Variants in KIAA1549L observed in about 807,000 individuals in gnomAD.
KIAA1549L encodes KIAA1549 like.
Under a neutral mutation model 160.7 loss-of-function variants are expected in KIAA1549L, and 88 were observed. The observed-to-expected ratio is 0.55, with a 90% confidence interval of 0.46 to 0.65. KIAA1549L has a LOEUF of 0.65. KIAA1549L is among the 30% of genes least tolerant of loss of function. The probability of loss-of-function intolerance (pLI) is 0.00; values close to 1 mark genes in which losing one functional copy is unlikely to be tolerated. For synonymous variants in KIAA1549L, 950 were observed against 976.7 expected (o/e 0.97, Z 0.51); for missense variants, 2,258 against 2,437.5 (o/e 0.93, Z 1.55).
At chr11:33,612,478 A>T (rs35454537) in intron 15 of KIAA1549L, among the ~76,000 whole-genome samples, 6 of 152,186 alleles carry the variant, frequency 3.9e-5, no homozygotes, top group Admixed American at 2.0e-4. Flanking sequence ...GCTGGTCTCA[A>T]ACTCCTGGGC....
intron 1 of KIAA1549L, among the ~76,000 whole-genome samples, chr11:33,414,018 A>G (rs2761203): frequency 0.013 from 1,960 of 152,356 alleles, 36 homozygotes; most frequent in African/African-American, 0.045. Context: ...ATGGAAACAC[A>G]GAATACATTT....
intron 1 of KIAA1549L, among the ~76,000 whole-genome samples, chr11:33,480,317 A>T (rs749299583): frequency 1.3e-5 from 2 of 152,102 alleles, no homozygotes; most frequent in Non-Finnish European, 2.9e-5. Flanking sequence ...TCTTTCACTT[A>T]GTATAAGGTT....
chr11:33,552,838 G>A (rs1389332389), intron 6 of KIAA1549L, among the ~76,000 whole-genome samples: 2 of 152,202 alleles, frequency 1.3e-5, no homozygotes, highest in African/African-American at 4.8e-5. Context: ...GAACTGAGAG[G>A]CTAAGAAACT....
intron 20 of KIAA1549L, among the ~76,000 whole-genome samples, chr11:33,664,838 C>A (rs1852387053): frequency 1.3e-5 from 2 of 152,204 alleles, no homozygotes; most frequent in African/African-American, 4.8e-5. Flanking sequence ...GCAGCCAGAA[C>A]AGACTAGGAC....
intron 13 of KIAA1549L, among the ~76,000 whole-genome samples, chr11:33,600,101 C>G (rs1237195769): frequency 6.6e-6 from 1 of 152,144 alleles, no homozygotes; most frequent in Non-Finnish European, 1.5e-5. Flanking sequence ...TTCCCATTTT[C>G]AGCTATTATA....
intron 1 of KIAA1549L, among the ~76,000 whole-genome samples, chr11:33,486,136 C>T (rs1299250590): frequency 1.3e-5 from 2 of 152,054 alleles, no homozygotes; most frequent in Non-Finnish European, 2.9e-5. Flanking sequence ...TGGGTATATA[C>T]CACAATGAAA....
intron 1 of KIAA1549L, among the ~76,000 whole-genome samples, chr11:33,501,619 A>T (rs1217414940): frequency 6.6e-6 from 1 of 152,226 alleles, no homozygotes; most frequent in Non-Finnish European, 1.5e-5. Context: ...GATACTTAGT[A>T]CTATGAAGAA....
intron 15 of KIAA1549L, among the ~76,000 whole-genome samples, chr11:33,614,531 G>GCTACATATAT: frequency 3.7e-5 from 1 of 27,114 alleles, no homozygotes; most frequent in Non-Finnish European, 6.6e-5. Flanking sequence ...AGTGTAACAA[G>GCTACATATAT]ATATATATAT....
At chr11:33,599,614 T>C (rs1419517720) in intron 13 of KIAA1549L, 1 of 152,228 alleles carries the variant, frequency 6.6e-6, no homozygotes, top group Non-Finnish European at 1.5e-5. Context: ...AGGATTGGCG[T>C]TGGGGTTTAT....
In KIAA1549L at chr11:33,542,529, A is replaced by G; in HGVS notation, c.966A>G (p.Thr322=). The G allele has an allele frequency of 1.2e-6, 2 of 1,614,016 alleles. No individual in the cohort carries two copies. Among genetic ancestry groups the G allele is most frequent in the East Asian group, 4.5e-5 (2 of 44,884 alleles). ...IPHLGVSGSS[T]KWHSELSPTE... is the part of the protein sequence containing the mutation. ...ATCTAGGTGTTTCTGGATCCTCAACAAAATGGCATTCCGAGCTGTCCCCAA... is the reference window on the plus strand; with the variant it reads ...ATCTAGGTGTTTCTGGATCCTCAACGAAATGGCATTCCGAGCTGTCCCCAA... The change falls in exon 2 of 21, where the codon ACA becomes ACG. Residue 322 remains threonine (T), a synonymous_variant. Transcript: ENST00000658780.
intron 1 of KIAA1549L, among the ~76,000 whole-genome samples, chr11:33,514,280 C>T (rs1219981080): frequency 6.6e-6 from 1 of 152,166 alleles, no homozygotes; most frequent in East Asian, 1.9e-4. Context: ...TATGCAAAGT[C>T]ATTGAAAAAC....
intron 9 of KIAA1549L, among the ~76,000 whole-genome samples, chr11:33,568,881 T>C (rs767367990): frequency 3.3e-5 from 5 of 152,212 alleles, no homozygotes; most frequent in Non-Finnish European, 5.9e-5. Context: ...GCCCATGCCA[T>C]GCTGGTTGGA....
chr11:33,604,057 A>G (rs568292510), intron 13 of KIAA1549L, among the ~76,000 whole-genome samples: 2 of 152,188 alleles, frequency 1.3e-5, no homozygotes, highest in Non-Finnish European at 2.9e-5. Context: ...GGATAGAGGG[A>G]GAAGAGGGAA....
chr11:33,658,665 C>T, intron 18 of KIAA1549L, 85 bp from the exon 19 acceptor site: 1 of 1,418,022 alleles, frequency 7.1e-7, no homozygotes, highest in Non-Finnish European at 9.7e-7. Flanking sequence ...TGTCCATGCC[C>T]AAAGGTGACG....
At position 33,556,928 on chromosome 11, in the gene KIAA1549L, C is replaced by T. The variant is rs555267532; in HGVS notation, c.3856-2821C>T. ...CTTAACTGGTCAAGTATAGTATATA[C>T]AGAGGCACCCACATTGCAAACTTTG... is the stretch of plus-strand genomic sequence containing the variant. On this transcript the variant is annotated intron_variant, in intron 6 of 20. Transcript: ENST00000658780. Among the ~76,000 whole-genome samples, 36 of 152,304 alleles carry T rather than the reference C, an allele frequency of 2.4e-4. 1 individual carries two copies. In the South Asian group the frequency reaches 5.6e-3, roughly 24 times the overall value.
rs1450380261 is a variant in KIAA1549L, at chr11:33,671,005, G to GTTCT, written c.*2852_*2853insTCTT. On this transcript the variant is annotated 3_prime_UTR_variant, in exon 21 of 21. Transcript: ENST00000658780. ...CTAGAGGTTTAAAAAAAAGATAAGG[G>GTTCT]TCATATGAAGAACTCCATAATGTTC... 1 of 152,070 alleles carries GTTCT rather than the reference G, an allele frequency of 6.6e-6. No individual in the cohort carries two copies. Among genetic ancestry groups the GTTCT allele is most frequent in the Non-Finnish European group, 1.5e-5 (1 of 68,018 alleles). 9.4% of individuals were successfully genotyped at this position (152,070 alleles called of 1,614,324 possible).
chr11:33,547,701 G>A, intron 3 of KIAA1549L, 63 bp from the exon 4 acceptor site: 1 of 1,020,706 alleles, frequency 9.8e-7, no homozygotes, highest in Non-Finnish European at 1.5e-6. Context: ...GAGGAGCAGA[G>A]GGCAAGTGAA....
At chr11:33,563,473 C>T (rs1045214827) in intron 8 of KIAA1549L, among the ~76,000 whole-genome samples, 15 of 152,074 alleles carry the variant, frequency 9.9e-5, no homozygotes, top group Admixed American at 7.9e-4. Context: ...CAAACCTCCC[C>T]TCTGTCCTCT....
At chr11:33,445,343 C>T (rs1851589543) in intron 1 of KIAA1549L, among the ~76,000 whole-genome samples, 1 of 152,212 alleles carries the variant, frequency 6.6e-6, no homozygotes, top group Non-Finnish European at 1.5e-5. Flanking sequence ...TGGAATTTCA[C>T]AGTGCCTTTC....
Sources: gnomAD v4.1 joint callset for allele counts (sites outside exome capture counted in the v4.1 genomes callset) on GRCh38, gnomAD v4.1.1 for gene constraint, MANE v1.5 for transcripts, NCBI Gene and HGNC (gene_info 2026-07-23, HGNC 2026-07-21) for gene names.